Variants in MYO1E observed in about 807,000 individuals in gnomAD.
The protein encoded by MYO1E is myosin IE.
In MYO1E, 68 loss-of-function variants were observed where a neutral mutation model predicts 151.1. The ratio of observed to expected loss-of-function variants is 0.45; its 90% CI spans 0.37 to 0.55. MYO1E has a LOEUF of 0.55. MYO1E is among the 20% of genes least tolerant of loss of function. The pLI is 0.00. For synonymous variants in MYO1E, 601 were observed against 501.7 expected, an observed-to-expected ratio of 1.20 and a Z score of -2.64; for missense variants, 1,363 against 1,389.3, an observed-to-expected ratio of 0.98 and a Z score of 0.30.
At chr15:59,160,947 G>A in intron 24 of MYO1E, 126 bp downstream of exon 24, 2 of 1,299,352 alleles carry the variant, frequency 1.5e-6, no homozygotes, top group East Asian at 2.3e-5. Flanking sequence ...AAGAAAGCGT[G>A]AGCCCCAGCA....
chr15:59,231,307 A>C (rs1406632554), intron 6 of MYO1E, among the ~76,000 whole-genome samples: 1 of 152,176 alleles, frequency 6.6e-6, no homozygotes, highest in Non-Finnish European at 1.5e-5. Flanking sequence ...CTATGGACCA[A>C]GTTCTAAGAA....
chr15:59,174,331 A>G (rs2140317531), intron 19 of MYO1E, 91 bp from the exon 20 acceptor site: 1 of 889,056 alleles, frequency 1.1e-6, no homozygotes, highest in Admixed American at 1.7e-5. Context: ...CCCTCAGTTT[A>G]GACAATGACA....
At chr15:59,360,859 G>T (rs1424966548) in intron 1 of MYO1E, among the ~76,000 whole-genome samples, 2 of 152,198 alleles carry the variant, frequency 1.3e-5, no homozygotes, top group Non-Finnish European at 2.9e-5. Context: ...TTCCCGCAAT[G>T]TAGGAAAGTT....
chr15:59,332,615 G>A (rs945392269), intron 1 of MYO1E, among the ~76,000 whole-genome samples: 25 of 152,140 alleles, frequency 1.6e-4, no homozygotes, highest in African/African-American at 6.0e-4. Flanking sequence ...TGTGTCTGAT[G>A]CTACAGCCAC....
intron 19 of MYO1E, among the ~76,000 whole-genome samples, chr15:59,176,574 A>T (rs1277073609): frequency 2.0e-5 from 3 of 150,906 alleles, no homozygotes; most frequent in Admixed American, 2.0e-4. Context: ...TGATCCTCCA[A>T]CCTCAGCCTC....
intron 5 of MYO1E, among the ~76,000 whole-genome samples, chr15:59,236,099 TG>T (rs1403327893): frequency 6.6e-6 from 1 of 152,080 alleles, no homozygotes; most frequent in Non-Finnish European, 1.5e-5. Context: ...CCCAGCACTT[TG>T]GGAGGCCGAG....
chr15:59,371,392 C>T (rs2080943416), intron 1 of MYO1E, among the ~76,000 whole-genome samples: 1 of 151,438 alleles, frequency 6.6e-6, no homozygotes, highest in African/African-American at 2.4e-5. Flanking sequence ...AGCAGGACTA[C>T]TTGAAAAGAA....
At chr15:59,224,271 A>G (rs1189326716) in intron 8 of MYO1E, among the ~76,000 whole-genome samples, 1 of 115,762 alleles carries the variant, frequency 8.6e-6, no homozygotes, top group Non-Finnish European at 2.3e-5. Flanking sequence ...AGTCTTCAAA[A>G]CCAGAAAAGA....
intron 3 of MYO1E, among the ~76,000 whole-genome samples, chr15:59,258,016 A>G (rs757853551): frequency 7.9e-5 from 12 of 152,200 alleles, no homozygotes; most frequent in African/African-American, 2.9e-4. Flanking sequence ...GCCATATGCC[A>G]TAAGATTTTT....
intron 1 of MYO1E, among the ~76,000 whole-genome samples, chr15:59,319,665 A>T (rs955771453): frequency 2.6e-4 from 37 of 145,010 alleles, no homozygotes; most frequent in Non-Finnish European, 1.5e-5. Flanking sequence ...GCACTTTGAG[A>T]GGCCGAGGCA....
rs1256831219 is a variant in MYO1E, at chr15:59,147,611, A to AAAAAAAC, written c.3080+5978_3080+5979insGTTTTTT. ...GACTCTGTCTCAAAAAAAAAAAAAA[A>AAAAAAAC]AAAACAATACAAAAAAAAGAAAGGA... On this transcript the variant is annotated intron_variant, in intron 26 of 27. Coordinates refer to ENST00000288235, the MANE Select transcript of MYO1E (RefSeq NM_004998.4). Among the ~76,000 whole-genome samples, 26 of 151,324 alleles carry AAAAAAAC rather than the reference A, an allele frequency of 1.7e-4. 1 individual carries two copies. The East Asian group carries it at 3.9e-3, about 23-fold the overall frequency.
chr15:59,217,837 T>C, intron 10 of MYO1E, 54 bp downstream of exon 10: 1 of 1,595,628 alleles, frequency 6.3e-7, no homozygotes, highest in Admixed American at 1.7e-5. Flanking sequence ...CTACTAGTTT[T>C]ACTCTTTATA....
chr15:59,357,060 C>A (rs1454023424), intron 1 of MYO1E, among the ~76,000 whole-genome samples: 3 of 152,016 alleles, frequency 2.0e-5, no homozygotes, highest in Admixed American at 2.0e-4. Context: ...CGCCCACCAC[C>A]ACACCCAGCT....
intron 1 of MYO1E, among the ~76,000 whole-genome samples, chr15:59,372,296 G>A (rs781716510): frequency 6.6e-6 from 1 of 152,290 alleles, no homozygotes; most frequent in South Asian, 2.1e-4. Flanking sequence ...TTGGAATAAA[G>A]TTTTCCTTGG....
At chr15:59,345,038 CTTT>C (rs1409600327) in intron 1 of MYO1E, among the ~76,000 whole-genome samples, 1 of 152,172 alleles carries the variant, frequency 6.6e-6, no homozygotes, top group Non-Finnish European at 1.5e-5. Flanking sequence ...AAATGCCTAA[CTTT>C]TTATGAAGAA....
intron 22 of MYO1E, among the ~76,000 whole-genome samples, chr15:59,165,417 C>A (rs1401672891): frequency 6.6e-6 from 1 of 152,104 alleles, no homozygotes; most frequent in Non-Finnish European, 1.5e-5. Flanking sequence ...CAAATAATAG[C>A]CATTTGGGTG....
At chr15:59,347,145 C>CA (rs2080798736) in intron 1 of MYO1E, among the ~76,000 whole-genome samples, 2 of 152,182 alleles carry the variant, frequency 1.3e-5, no homozygotes, top group African/African-American at 4.8e-5. Flanking sequence ...TGCACAGCAG[C>CA]AGGTGAGTGG....
Position 59,217,891 on chromosome 15 carries a change from A to G in MYO1E, c.1107T>C (p.Asp369=). The G allele has an allele frequency of 2.5e-6, 4 of 1,614,002 alleles. No individual in the cohort carries two copies. The highest frequency in any genetic ancestry group is 3.4e-6 in the Non-Finnish European group (4 of 1,179,918). Residue 369 remains aspartate (D), a splice_region_variant and synonymous_variant, in exon 10 of 28, where the codon GAT becomes GAC. Coordinates refer to ENST00000288235, the MANE Select transcript of MYO1E (RefSeq NM_004998.4). ...LHARVFDFLV[D]SINKAMEKDH... ...ACCAGCATCAACTTCTGTTACTTAC[A>G]TCTACCAAGAAATCAAAGACCCGGG...
intron 18 of MYO1E, among the ~76,000 whole-genome samples, chr15:59,180,351 G>A (rs2079651067): frequency 2.0e-5 from 3 of 152,148 alleles, no homozygotes; most frequent in Admixed American, 2.0e-4. Flanking sequence ...ATTGGGTGAG[G>A]CAGAAAGTTC....
Sources: gnomAD v4.1 joint callset for allele counts (sites outside exome capture counted in the v4.1 genomes callset) on GRCh38, gnomAD v4.1.1 for gene constraint, MANE v1.5 for transcripts, NCBI Gene and HGNC (gene_info 2026-07-23, HGNC 2026-07-21) for gene names.